Variants in ACLY observed in about 807,000 individuals in gnomAD.
ACLY encodes ATP citrate lyase, also known as ATP-citrate synthase.
Under a neutral mutation model 133.0 loss-of-function variants are expected in ACLY, and 41 were observed. That is an observed-to-expected ratio of 0.31 (90% CI 0.24 to 0.40). The LOEUF is 0.40. Ranked by LOEUF, ACLY falls within the 10% of genes least tolerant of loss-of-function variation. ACLY has a pLI of 1.00. For synonymous variants in ACLY, 495 were observed against 549.3 expected (o/e 0.90, Z 1.38); for missense variants, 1,046 against 1,453.8 (o/e 0.72, Z 4.56).
chr17:41,914,321 CTG>C, intron 1 of ACLY, among the ~76,000 whole-genome samples: 1 of 141,870 alleles, frequency 7.0e-6, no homozygotes, highest in African/African-American at 3.2e-5. Flanking sequence ...AAACACCTTT[CTG>C]TTCTCTGACC....
intron 3 of ACLY, among the ~76,000 whole-genome samples, chr17:41,910,819 G>A (rs535197362): frequency 2.0e-5 from 3 of 152,278 alleles, no homozygotes; most frequent in South Asian, 2.1e-4. Context: ...CCCTGGCGGC[G>A]GCTGTGGCGA....
chr17:41,919,316 G>A (rs2050143597), upstream of ACLY, among the ~76,000 whole-genome samples: 1 of 151,490 alleles, frequency 6.6e-6, no homozygotes, highest in Admixed American at 6.6e-5. Flanking sequence ...GGGGAGGGGC[G>A]GGTAGGATTA....
intron 7 of ACLY, 138 bp from the exon 8 acceptor site, chr17:41,906,784 C>T: frequency 1.4e-6 from 1 of 736,142 alleles, no homozygotes. Context: ...CTACGCAGGG[C>T]CCCACATGCC....
At chr17:41,925,180 C>T (rs923358055) in intron 1 of ACLY, among the ~76,000 whole-genome samples, 3 of 151,744 alleles carry the variant, frequency 2.0e-5, no homozygotes, top group African/African-American at 7.3e-5. Flanking sequence ...GGGTTACAGG[C>T]GCCCACCACC....
Position 41,869,596 on chromosome 17 carries a change from G to A in ACLY, c.2938-9C>T, listed in dbSNP as rs1317556327. ...ATGTCTGGGTTGTTTATCTAGAAATGAACCCAACGGTACAGAGGAACACTC... is the reference window on the plus strand; with the variant it reads ...ATGTCTGGGTTGTTTATCTAGAAATAAACCCAACGGTACAGAGGAACACTC... On this transcript the variant is annotated splice_polypyrimidine_tract_variant and intron_variant, in intron 25 of 28. Transcript: ENST00000352035. The A allele has an allele frequency of 6.2e-7, 1 of 1,603,854 alleles. No individual in the cohort carries two copies. The highest frequency in any genetic ancestry group is 1.7e-4 in the Middle Eastern group (1 of 6,018).
At chr17:41,870,443 G>A (rs542402257) in intron 25 of ACLY, 1 of 152,174 alleles carries the variant, frequency 6.6e-6, no homozygotes, top group Admixed American at 6.6e-5. Context: ...TGCCTAGAAG[G>A]TGGTGTCCTG....
At chr17:41,888,548 T>A (rs1000953844) in intron 16 of ACLY, among the ~76,000 whole-genome samples, 1 of 152,192 alleles carries the variant, frequency 6.6e-6, no homozygotes. Flanking sequence ...TCACTTCTCT[T>A]TGGCTCTAAA....
intron 22 of ACLY, among the ~76,000 whole-genome samples, chr17:41,876,131 C>T (rs9899956): frequency 0.8 from 119,324 of 149,278 alleles, 47,854 homozygotes; most frequent in East Asian, 0.94. Context: ...GGAGCCCCTC[C>T]GCCCGGCAGC....
chr17:41,921,154 T>A, upstream of ACLY, among the ~76,000 whole-genome samples: 1 of 146,532 alleles, frequency 6.8e-6, no homozygotes. Context: ...AAAATTTAGC[T>A]GGGCACTGTA....
chr17:41,927,985 A>C (rs913417439), intron 1 of ACLY, among the ~76,000 whole-genome samples: 9 of 151,888 alleles, frequency 5.9e-5, no homozygotes, highest in Non-Finnish European at 4.4e-5. Flanking sequence ...AAAACAACAC[A>C]AAAATCAGCT....
chr17:41,906,909 A>C (rs971822388), intron 7 of ACLY, among the ~76,000 whole-genome samples: 1 of 152,140 alleles, frequency 6.6e-6, no homozygotes, highest in Non-Finnish European at 1.5e-5. Flanking sequence ...CCCTCTGCCT[A>C]AGTCCTGAGC....
rs1327368211 is a variant in ACLY, at chr17:41,898,697, G to T, written c.1272C>A (p.Ile424=). 6.2e-7 allele frequency: 1 copy of T among 1,613,896 alleles called. No homozygotes were observed. The highest frequency in any genetic ancestry group is 8.5e-7 in the Non-Finnish European group (1 of 1,179,936). ...IVGMALGHRP[I]PNQPPTAAHT... is the part of the protein sequence containing the mutation. ...GGGCCGCTGTGGGTGGCTGGTTGGG[G>T]ATGGGCCGGTGGCCCAGGGCCATGC... Residue 424 remains isoleucine (I), a synonymous_variant, in exon 12 of 29, where the codon ATC becomes ATA. Transcript: ENST00000352035.
At chr17:41,901,260 G>A (rs1350030591) in intron 11 of ACLY, among the ~76,000 whole-genome samples, 3 of 151,998 alleles carry the variant, frequency 2.0e-5, no homozygotes, top group Admixed American at 1.3e-4. Context: ...GATCAAGTTT[G>A]ATCAAGCATT....
Position 41,868,722 on chromosome 17 carries a change from A to G in ACLY, c.3198T>C (p.Ser1066=), listed in dbSNP as rs782777292. 5 of 1,613,718 alleles carry G rather than the reference A, an allele frequency of 3.1e-6. 1 individual carries two copies. In the South Asian group the frequency reaches 3.3e-5, roughly 11 times the overall value. ...GAATGGACTCACCAATGAACCCCAT[A>G]CTCCTTCCCAGCACAAAGATGCCAT... The part of the protein sequence containing the change: ...ALNGIFVLGR[S]MGFIGHYLDQ... The change falls in exon 28 of 29, where the codon AGT becomes AGC. Residue 1066 remains serine (S), a synonymous_variant. Transcript: ENST00000352035.
intron 13 of ACLY, 50 bp downstream of exon 13, chr17:41,897,699 G>A (rs781925961): frequency 2.0e-6 from 3 of 1,526,456 alleles, no homozygotes; most frequent in Non-Finnish European, 2.7e-6. Flanking sequence ...AGATACAGAG[G>A]GTACCGCAAG....
Position 41,878,203 on chromosome 17 carries a change from G to A in ACLY, c.2394-7C>T. 6.4e-7 allele frequency: 1 copy of A among 1,551,444 alleles called. No individual in the cohort carries two copies. The highest frequency in any genetic ancestry group is 8.7e-7 in the Non-Finnish European group (1 of 1,152,074). On this transcript the variant is annotated splice_polypyrimidine_tract_variant and splice_region_variant and intron_variant, in intron 21 of 28. Transcript: ENST00000352035. ...GAGATCTTCGTATACAGACCTGGGA[G>A]GCAGGAAAAAAAAGACATCCATGTG...
At position 41,872,625 on chromosome 17, in the gene ACLY, G is replaced by A. The variant is rs538897999; in HGVS notation, c.2643-443C>T. On this transcript the variant is annotated intron_variant, in intron 23 of 28. Transcript: ENST00000352035. Reference sequence around the variant, plus strand: ...CATACAGGCATGAGCCACCGCGCCCGGCCCCAAATACTGTTTGTAAAACAG... The same window carrying A: ...CATACAGGCATGAGCCACCGCGCCCAGCCCCAAATACTGTTTGTAAAACAG... Among the ~76,000 whole-genome samples, 42 of 152,198 alleles carry A rather than the reference G, an allele frequency of 2.8e-4. No homozygotes were observed. In the East Asian group the frequency reaches 5.2e-3, roughly 19 times the overall value.
chr17:41,884,091 GT>G, intron 19 of ACLY, 101 bp downstream of exon 19: 2 of 694,724 alleles, frequency 2.9e-6, no homozygotes, highest in Admixed American at 4.4e-5. Flanking sequence ...ACCAGGGACT[GT>G]CCCTTTAAGT....
At position 41,913,889 on chromosome 17, in the gene ACLY, T is replaced by C; in HGVS notation, c.-16A>G. On this transcript the variant is annotated 5_prime_UTR_variant, in exon 2 of 29. Transcript: ENST00000352035. ...TGGCCGACATGGCTGCAGAGAGACC[T>C]GCTCTACCTGTCTGGGAGAGAGAAG... 1 of 1,614,140 alleles carries C rather than the reference T, an allele frequency of 6.2e-7. No homozygotes were observed.
Sources: gnomAD v4.1 joint callset for allele counts (sites outside exome capture counted in the v4.1 genomes callset) on GRCh38, gnomAD v4.1.1 for gene constraint, MANE v1.5 for transcripts, NCBI Gene and HGNC (gene_info 2026-07-23, HGNC 2026-07-21) for gene names.